The following RPL21 variants were observed in gnomAD, a reference collection of about 807,000 sequenced individuals.
The protein encoded by RPL21 is ribosomal protein L21, also known as large ribosomal subunit protein eL21.
Under a neutral mutation model 21.2 loss-of-function variants are expected in RPL21, and 1 was observed. The ratio of observed to expected loss-of-function variants is 0.05; its 90% CI spans 0.02 to 0.22. The LOEUF (loss-of-function observed/expected upper bound fraction) is 0.22. RPL21 is among the 10% of genes least tolerant of loss of function. The pLI, the probability that RPL21 is intolerant of heterozygous loss-of-function variation, is 1.00. For synonymous variants in RPL21, 52 were observed against 62.9 expected, an observed-to-expected ratio of 0.83 and a Z score of 0.82; for missense variants, 113 against 199.4, an observed-to-expected ratio of 0.57 and a Z score of 2.61.
At chr13:27,253,877 G>C (rs745670078) in intron 2 of RPL21, 34 bp downstream of exon 2, 5 of 1,199,370 alleles carry the variant, frequency 4.2e-6, no homozygotes, top group Non-Finnish European at 6.2e-6. Context: ...GAGAAGCATG[G>C]CACACATTTG....
intron 3 of RPL21, 41 bp from the exon 4 acceptor site, chr13:27,255,201 G>A: frequency 1.2e-6 from 1 of 846,404 alleles, no homozygotes; most frequent in Non-Finnish European, 2.1e-6. Flanking sequence ...AATTTTAAAG[G>A]AAGGGGAAAT....
chr13:27,256,311 A>G lies in RPL21; in HGVS notation c.370A>G (p.Thr124Ala), dbSNP rs1414772941. ...QKKKEAKEKG[T>A]WVQLKRQPAP... ...AAAGAAAGAAGCCAAAGAGAAAGGT[A>G]CCTGGGTTCAACTAAAGCGCCAGGT... Residue 124 changes from threonine (T) to alanine (A), a missense_variant, in exon 5 of 6, where the codon ACC becomes GCC. By Grantham distance (58) the Thr-to-Ala change is moderately conservative. Coordinates refer to ENST00000311549, the MANE Select transcript of RPL21 (RefSeq NM_000982.4). 6.2e-6 allele frequency: 10 copies of G among 1,609,678 alleles called. No individual in the cohort carries two copies. Among genetic ancestry groups the G allele is most frequent in the Admixed American group, 5.0e-5 (3 of 59,952 alleles).
chr13:27,252,215 A>G (rs1016304958), intron 1 of RPL21, among the ~76,000 whole-genome samples: 2 of 152,174 alleles, frequency 1.3e-5, no homozygotes, highest in Non-Finnish European at 2.9e-5. Context: ...TTTTGACCCC[A>G]CATGGTGATC....
chr13:27,253,046 G>A (rs959112001), intron 1 of RPL21, among the ~76,000 whole-genome samples: 1 of 152,108 alleles, frequency 6.6e-6, no homozygotes, highest in African/African-American at 2.4e-5. Context: ...ATTAGCTGCC[G>A]GTTACTACTG....
intron 1 of RPL21, among the ~76,000 whole-genome samples, chr13:27,252,489 G>T (rs1881698221): frequency 6.6e-6 from 1 of 152,132 alleles, no homozygotes; most frequent in South Asian, 2.1e-4. Flanking sequence ...AGTGTATGGG[G>T]TCCATGCTTA....
intron 1 of RPL21, among the ~76,000 whole-genome samples, chr13:27,252,767 TC>T (rs1432342433): frequency 6.6e-6 from 1 of 152,244 alleles, no homozygotes; most frequent in Non-Finnish European, 1.5e-5. Flanking sequence ...AAACATGTCT[TC>T]TTGCTATACA....
Position 27,255,299 on chromosome 13 carries a change from A to G in RPL21, c.187A>G (p.Arg63Gly). ...CAAGTGTTACCATGGCAAAACTGGA[A>G]GAGTCTACAATGTTACCCAGCATGC... ...PHKCYHGKTGRVYNVTQHAVG... is the reference protein window; with the variant it reads ...PHKCYHGKTGGVYNVTQHAVG... The change falls in exon 4 of 6, where the codon AGA (arginine) becomes GGA (glycine). Residue 63 changes from arginine to glycine, a missense_variant. Physicochemically the swap from Arg to Gly is moderately radical, Grantham distance 125 (BLOSUM62 -2). Transcript: ENST00000311549. 6.7e-7 allele frequency: 1 copy of G among 1,503,060 alleles called. No individual in the cohort carries two copies. The highest frequency in any genetic ancestry group is 1.1e-5 in the South Asian group (1 of 88,894). The allele number at this position is 1,503,060 out of a possible 1,614,324, so 93.1% of individuals were successfully genotyped here. A position where few individuals can be genotyped will look rare whatever the true frequency, so the allele number is the denominator to read the frequency against.
At chr13:27,252,274 G>A (rs1174460247) in intron 1 of RPL21, among the ~76,000 whole-genome samples, 1 of 152,196 alleles carries the variant, frequency 6.6e-6, no homozygotes, top group Non-Finnish European at 1.5e-5. Context: ...TTTGCACCAA[G>A]AGGAGATACT....
Position 27,256,422 on chromosome 13 carries a change from T to A in RPL21, c.394-14T>A. 6.3e-7 allele frequency: 1 copy of A among 1,588,682 alleles called. No individual in the cohort carries two copies. The highest frequency in any genetic ancestry group is 8.6e-7 in the Non-Finnish European group (1 of 1,157,062). On this transcript the variant is annotated splice_polypyrimidine_tract_variant and intron_variant, in intron 5 of 5. Transcript: ENST00000311549. ...CACATAATTATTTTATTCCCTTTTT[T>A]TTTCCTTTAATAGCCTGCTCCACCC...
chr13:27,254,803 G>C, intron 3 of RPL21: 1 of 348,516 alleles, frequency 2.9e-6, no homozygotes, highest in South Asian at 2.3e-5. Context: ...TTACAGGTGT[G>C]AACCACCGTG....
chr13:27,252,412 T>C (rs1881695531), intron 1 of RPL21, among the ~76,000 whole-genome samples: 1 of 152,212 alleles, frequency 6.6e-6, no homozygotes, highest in Non-Finnish European at 1.5e-5. Flanking sequence ...TGGTGGATCC[T>C]AGTTGCCATG....
chr13:27,252,378 G>C (rs563945505), intron 1 of RPL21, among the ~76,000 whole-genome samples: 1 of 152,278 alleles, frequency 6.6e-6, no homozygotes, highest in South Asian at 2.1e-4. Context: ...CAACAGAGTC[G>C]AGCAAACTGC....
rs761636859 is a variant in RPL21 at position 27,255,483 on chromosome 13, A to T, written c.242+129A>T. On this transcript the variant is annotated intron_variant, in intron 4 of 5. Coordinates refer to ENST00000311549, the MANE Select transcript of RPL21 (RefSeq NM_000982.4). ...CAAAGGAAATATCCTTTTAAAACTC[A>T]GGCAAACTGGGTGTTTGTCTGTATC... 2.1e-5 allele frequency: 16 copies of T among 766,774 alleles called. No individual in the cohort carries two copies. In the Admixed American group the frequency reaches 2.5e-4, roughly 12 times the overall value. 47.5% of individuals were successfully genotyped at this position (766,774 alleles called of 1,614,324 possible).
At chr13:27,256,109 A>G (rs1881890568) in intron 4 of RPL21, 75 bp from the exon 5 acceptor site, 1 of 1,144,854 alleles carries the variant, frequency 8.7e-7, no homozygotes, top group Non-Finnish European at 1.3e-6. Flanking sequence ...TTAATAAATG[A>G]AACTGCAAAA....
At chr13:27,253,273 G>A (rs1881734370) in intron 1 of RPL21, among the ~76,000 whole-genome samples, 1 of 152,246 alleles carries the variant, frequency 6.6e-6, no homozygotes, top group Non-Finnish European at 1.5e-5. Flanking sequence ...AATCAGAAAT[G>A]TGAAGTGGCT....
intron 3 of RPL21, 45 bp from the exon 4 acceptor site, chr13:27,255,197 A>T: frequency 1.2e-6 from 1 of 840,726 alleles, no homozygotes. Flanking sequence ...TCAGAATTTT[A>T]AAGGAAGGGG....
chr13:27,251,843 C>T (rs896634670), intron 1 of RPL21: 2 of 152,378 alleles, frequency 1.3e-5, no homozygotes, highest in South Asian at 2.1e-4. Flanking sequence ...GAGACTGAGT[C>T]GCTTGGGGTG....
rs1244881065 is a variant in RPL21 at position 27,256,542 on chromosome 13, A to AT, written c.*17_*18insT. The AT allele has an allele frequency of 2.9e-6, 3 of 1,043,086 alleles. No individual in the cohort carries two copies. Among genetic ancestry groups the AT allele is most frequent in the African/African-American group, 1.6e-5 (1 of 63,848 alleles). The allele number at this position is 1,043,086 out of a possible 1,614,324, so 64.6% of individuals were successfully genotyped here. On this transcript the variant is annotated 3_prime_UTR_variant, in exon 6 of 6. Transcript: ENST00000311549. ...ATGGCATAATAGGTGTTAAAAAAAAAAATAAAGGACCTCTGGGCTACAAAA... is the reference window on the plus strand; with the variant it reads ...ATGGCATAATAGGTGTTAAAAAAAAATAATAAAGGACCTCTGGGCTACAAAA...
At chr13:27,256,360 G>T in intron 5 of RPL21, 26 bp downstream of exon 5, 1 of 1,604,170 alleles carries the variant, frequency 6.2e-7, no homozygotes, top group Non-Finnish European at 8.5e-7. Context: ...ATATTTCATT[G>T]GTTCTGAGAG....
Sources: allele counts gnomAD v4.1 joint callset (sites outside exome capture counted in the v4.1 genomes callset), GRCh38; gene constraint gnomAD v4.1.1; transcripts MANE v1.5; gene names NCBI Gene and HGNC (gene_info 2026-07-23, HGNC 2026-07-21).